The following PAX5 variants were observed in gnomAD, a reference collection of about 807,000 sequenced individuals.
PAX5 encodes paired box protein Pax-5.
A neutral mutation model predicts 43.7 loss-of-function variants in PAX5; 9 were observed. The ratio of observed to expected loss-of-function variants is 0.21; its 90% CI spans 0.12 to 0.36. The LOEUF is 0.36. Among genes scored for constraint, PAX5 ranks in the 10% least tolerant of loss-of-function variants. The probability of loss-of-function intolerance (pLI) is 1.00; values close to 1 mark genes in which losing one functional copy is unlikely to be tolerated. For missense variants in PAX5, 383 were observed against 532.7 expected (o/e 0.72, Z 2.77); for synonymous variants, 228 against 214.3 (o/e 1.06, Z -0.56).
chr9:36,864,050 A>G (rs1271123123), intron 8 of PAX5, among the ~76,000 whole-genome samples: 1 of 152,242 alleles, frequency 6.6e-6, no homozygotes, highest in African/African-American at 2.4e-5. Context: ...CAGAGGTTGC[A>G]GTGAGCCGAG....
At chr9:36,891,167 C>T (rs867758628) in intron 7 of PAX5, among the ~76,000 whole-genome samples, 2 of 152,202 alleles carry the variant, frequency 1.3e-5, no homozygotes, top group Non-Finnish European at 2.9e-5. Flanking sequence ...CTTCATTTTA[C>T]ATATTGTTCA....
intron 5 of PAX5, among the ~76,000 whole-genome samples, chr9:36,970,967 A>G (rs1834885687): frequency 6.6e-6 from 1 of 152,210 alleles, no homozygotes; most frequent in South Asian, 2.1e-4. Context: ...GAATAAATGA[A>G]TGAATTGGTA....
At chr9:36,877,792 C>A (rs187738053) in intron 8 of PAX5, among the ~76,000 whole-genome samples, 1 of 152,134 alleles carries the variant, frequency 6.6e-6, no homozygotes, top group African/African-American at 2.4e-5. Flanking sequence ...TTATATGTAA[C>A]CTGTGAATGT....
At chr9:36,964,876 A>C (rs1231125911) in intron 6 of PAX5, among the ~76,000 whole-genome samples, 6 of 152,162 alleles carry the variant, frequency 3.9e-5, no homozygotes. Flanking sequence ...CTCGACTTGT[A>C]AGAGAAAGAC....
At chr9:36,863,157 A>G (rs1312167542) in intron 8 of PAX5, among the ~76,000 whole-genome samples, 2 of 152,262 alleles carry the variant, frequency 1.3e-5, no homozygotes, top group Admixed American at 1.3e-4. Context: ...CTCCTGCGGT[A>G]GCTGCTTCAC....
intron 8 of PAX5, among the ~76,000 whole-genome samples, chr9:36,870,518 T>A (rs1483889100): frequency 1.3e-5 from 2 of 152,270 alleles, no homozygotes; most frequent in African/African-American, 2.4e-5. Context: ...GAAATTTTTG[T>A]AAGCCCTAAA....
At chr9:36,903,223 G>T (rs894615328) in intron 7 of PAX5, among the ~76,000 whole-genome samples, 1 of 152,230 alleles carries the variant, frequency 6.6e-6, no homozygotes. Flanking sequence ...GAAGGAGGAA[G>T]AAAGTCTGTT....
intron 6 of PAX5, among the ~76,000 whole-genome samples, chr9:36,926,693 C>A (rs751821052): frequency 2.6e-4 from 40 of 152,186 alleles, no homozygotes; most frequent in African/African-American, 4.3e-4. Context: ...AGTTTCTGGG[C>A]CCCCAGGGGT....
chr9:36,889,340 TAAC>T (rs1827174351), intron 7 of PAX5, among the ~76,000 whole-genome samples: 1 of 152,236 alleles, frequency 6.6e-6, no homozygotes, highest in African/African-American at 2.4e-5. Context: ...CTGATAATAA[TAAC>T]AATAACAGCT....
chr9:36,833,433 C>T lies in PAX5; in HGVS notation c.*7127G>A, dbSNP rs1328864576. On this transcript the variant is annotated 3_prime_UTR_variant, in exon 10 of 10. Coordinates refer to ENST00000358127, the MANE Select transcript of PAX5 (RefSeq NM_016734.3). ...TATTGAAACTACGCCAATCTTATTG[C>T]ATGTTTCTCCAACTAATCTAAAATA... is the stretch of plus-strand genomic sequence containing the variant. The T allele has an allele frequency of 7.3e-5, 17 of 232,996 alleles. No individual in the cohort carries two copies. In the East Asian group the frequency reaches 1.0e-3, roughly 14 times the overall value. The allele number at this position is 232,996 out of a possible 1,614,324, so 14.4% of individuals were successfully genotyped here.
chr9:36,878,034 C>G (rs1011576870), intron 8 of PAX5, among the ~76,000 whole-genome samples: 1 of 152,174 alleles, frequency 6.6e-6, no homozygotes, highest in Non-Finnish European at 1.5e-5. Context: ...ATGCCGGGAA[C>G]GAACCACAAA....
intron 5 of PAX5, among the ~76,000 whole-genome samples, chr9:37,002,010 G>A (rs1375248778): frequency 1.3e-5 from 2 of 151,718 alleles, no homozygotes; most frequent in Non-Finnish European, 2.9e-5. Context: ...CCAGGCCCGT[G>A]GAGGGGCTGA....
At chr9:36,938,481 T>C (rs7043137) in intron 6 of PAX5, among the ~76,000 whole-genome samples, 1 of 152,218 alleles carries the variant, frequency 6.6e-6, no homozygotes, top group African/African-American at 2.4e-5. Context: ...TAAAACTGCT[T>C]GCTAGAAATA....
intron 6 of PAX5, among the ~76,000 whole-genome samples, chr9:36,936,019 C>G (rs1831524533): frequency 6.6e-6 from 1 of 152,248 alleles, no homozygotes; most frequent in African/African-American, 2.4e-5. Context: ...CTGATTCATA[C>G]TGTTCTCACG....
In PAX5 at chr9:36,882,250, G is replaced by T; in HGVS notation, c.911-145C>A. Reference sequence around the variant, plus strand: ...CCCAGCTCCCCCCTGTCGCTCACACGCTCTCACAAACACACATACACACAC... The same window carrying T: ...CCCAGCTCCCCCCTGTCGCTCACACTCTCTCACAAACACACATACACACAC... On this transcript the variant is annotated intron_variant, in intron 7 of 9. Transcript: ENST00000358127. This position sits in a 1 kb window ranked among gnomAD's most constrained non-coding sequence, Gnocchi z 4.4. 2 of 594,698 alleles carry T rather than the reference G, an allele frequency of 3.4e-6. No homozygotes were observed. Among genetic ancestry groups the T allele is most frequent in the South Asian group, 2.0e-5 (1 of 50,222 alleles). 36.8% of individuals were successfully genotyped at this position (594,698 alleles called of 1,614,324 possible). A position where few individuals can be genotyped will look rare whatever the true frequency, so the allele number is the denominator to read the frequency against.
At chr9:36,960,349 G>T (rs990057193) in intron 6 of PAX5, among the ~76,000 whole-genome samples, 9 of 152,180 alleles carry the variant, frequency 5.9e-5, no homozygotes, top group Admixed American at 5.9e-4. Flanking sequence ...CCTGGGAGAG[G>T]CTGGGTCATG....
rs1007903946 is a variant in PAX5, at chr9:36,836,576, C to T, written c.*3984G>A. On this transcript the variant is annotated 3_prime_UTR_variant, in exon 10 of 10. Transcript: ENST00000358127. ...GGGGCAGGCACACTTCTGGGCATCT[C>T]GGGCACTGCTGCACCGTACTGTCTG... The T allele has an allele frequency of 3.0e-5, 7 of 232,894 alleles. No individual in the cohort carries two copies. The highest frequency in any genetic ancestry group is 1.8e-4 in the South Asian group (1 of 5,518). 14.4% of individuals were successfully genotyped at this position (232,894 alleles called of 1,614,324 possible).
At chr9:37,005,347 C>T (rs918523878) in intron 4 of PAX5, among the ~76,000 whole-genome samples, 1 of 152,256 alleles carries the variant, frequency 6.6e-6, no homozygotes, top group African/African-American at 2.4e-5. Flanking sequence ...AAGGTCTGCA[C>T]CGCAGGGACT....
chr9:36,885,689 A>G (rs1826849330), intron 7 of PAX5, among the ~76,000 whole-genome samples: 1 of 152,198 alleles, frequency 6.6e-6, no homozygotes, highest in Non-Finnish European at 1.5e-5. Flanking sequence ...GCAACCACAC[A>G]GAAGCATGCC....
Sources: allele counts gnomAD v4.1 joint callset (sites outside exome capture counted in the v4.1 genomes callset), GRCh38; gene constraint gnomAD v4.1.1; non-coding constraint Gnocchi (gnomAD v3.1); transcripts MANE v1.5; gene names NCBI Gene and HGNC (gene_info 2026-07-23, HGNC 2026-07-21).